The following CCDC141 variants were observed in gnomAD, a reference collection of about 807,000 sequenced individuals.
CCDC141 encodes the protein coiled-coil domain-containing protein 141.
In CCDC141, 168 loss-of-function variants were observed where a neutral mutation model predicts 181.0. That is an observed-to-expected ratio of 0.93 (90% CI 0.82 to 1.05). The LOEUF is 1.05. Among genes scored for constraint, CCDC141 ranks in the 50% least tolerant of loss-of-function variants. The pLI is 0.00. For missense variants in CCDC141, 1,902 were observed against 1,788.5 expected (o/e 1.06, Z -1.14); for synonymous variants, 666 against 642.3 (o/e 1.04, Z -0.56).
intron 21 of CCDC141, among the ~76,000 whole-genome samples, chr2:178,849,585 G>A (rs919746407): frequency 2.6e-5 from 4 of 152,078 alleles, no homozygotes; most frequent in African/African-American, 9.7e-5. Flanking sequence ...TGTATTCTAC[G>A]AAAAGTGATC....
chr2:178,961,051 A>G (rs1690373973), intron 5 of CCDC141, among the ~76,000 whole-genome samples, 179 bp downstream of exon 5: 2 of 152,206 alleles, frequency 1.3e-5, no homozygotes, highest in Non-Finnish European at 2.9e-5. Flanking sequence ...AAAAATGCAT[A>G]TATTTGTTTT....
intron 19 of CCDC141, among the ~76,000 whole-genome samples, chr2:178,854,430 A>C (rs1685297159): frequency 6.6e-6 from 1 of 152,192 alleles, no homozygotes; most frequent in Non-Finnish European, 1.5e-5. Flanking sequence ...AGGCTGAGGC[A>C]GGAGAATGGT....
chr2:178,892,099 T>C (rs1687183294), intron 8 of CCDC141, among the ~76,000 whole-genome samples: 1 of 152,220 alleles, frequency 6.6e-6, no homozygotes, highest in Non-Finnish European at 1.5e-5. Flanking sequence ...TTTTAAACAA[T>C]GATGACTTGC....
At chr2:179,044,583 T>C (rs1302712575) in intron 2 of CCDC141, among the ~76,000 whole-genome samples, 1 of 152,162 alleles carries the variant, frequency 6.6e-6, no homozygotes, top group African/African-American at 2.4e-5. Flanking sequence ...TCCAAACTGA[T>C]GTGAGCTCAC....
At chr2:178,993,831 T>C (rs942238548) in intron 2 of CCDC141, among the ~76,000 whole-genome samples, 2 of 152,192 alleles carry the variant, frequency 1.3e-5, no homozygotes, top group South Asian at 2.1e-4. Flanking sequence ...ATAGGATAAA[T>C]TGGCCAAAAT....
intron 22 of CCDC141, among the ~76,000 whole-genome samples, chr2:178,844,158 TAGTA>T (rs982182730): frequency 7.9e-5 from 12 of 152,344 alleles, no homozygotes; most frequent in Non-Finnish European, 1.6e-4. Context: ...TCTGAGTTCT[TAGTA>T]AGTGTGTCTA....
intron 17 of CCDC141, among the ~76,000 whole-genome samples, chr2:178,864,387 T>C (rs1289410435): frequency 6.6e-6 from 1 of 152,188 alleles, no homozygotes; most frequent in African/African-American, 2.4e-5. Flanking sequence ...CAAGATGTGA[T>C]TGACGTGTAA....
intron 2 of CCDC141, among the ~76,000 whole-genome samples, chr2:179,018,090 T>G (rs1261033621): frequency 6.6e-6 from 1 of 152,160 alleles, no homozygotes. Context: ...GCTGCAATAC[T>G]TGAAAAATGC....
chr2:178,946,596 G>T (rs1024703431), intron 5 of CCDC141, among the ~76,000 whole-genome samples: 3 of 152,120 alleles, frequency 2.0e-5, no homozygotes, highest in Non-Finnish European at 2.9e-5. Context: ...GGTACAAACA[G>T]GTGTTCTCTA....
chr2:178,869,381 T>C, intron 14 of CCDC141, 76 bp from the exon 15 acceptor site: 1 of 1,008,514 alleles, frequency 9.9e-7, no homozygotes, highest in Non-Finnish European at 1.4e-6. Flanking sequence ...TATAAAGGTC[T>C]AAACAATGAA....
At chr2:178,962,998 C>T (rs1690473088) in intron 4 of CCDC141, among the ~76,000 whole-genome samples, 1 of 152,196 alleles carries the variant, frequency 6.6e-6, no homozygotes, top group African/African-American at 2.4e-5. Flanking sequence ...TACTCTCACA[C>T]TTAATGTCTG....
At chr2:179,005,850 T>C (rs2042109558) in intron 2 of CCDC141, among the ~76,000 whole-genome samples, 1 of 152,186 alleles carries the variant, frequency 6.6e-6, no homozygotes, top group South Asian at 2.1e-4. Flanking sequence ...CCTCAAGTGA[T>C]CCACCCACCT....
chr2:179,015,136 CAT>C lies in CCDC141; in HGVS notation c.225+32146_225+32147del, dbSNP rs1256293554. Among the ~76,000 whole-genome samples, 221 of 74,474 alleles carry C rather than the reference CAT, an allele frequency of 3.0e-3. 2 individuals are homozygous for C. The highest frequency in any genetic ancestry group is 0.013 in the African/African-American group (214 of 17,032). The allele number at this position is 74,474 out of a possible 152,430, so 48.9% of individuals were successfully genotyped here. A position where few individuals can be genotyped will look rare whatever the true frequency, so the allele number is the denominator to read the frequency against. On this transcript the variant is annotated intron_variant, in intron 2 of 23. Transcript: ENST00000443758. ...ATATAATCATATATATATATCATATCATATATATCAATATATCTCATATACAT... is the reference window on the plus strand; with the variant it reads ...ATATAATCATATATATATATCATATCATATATCAATATATCTCATATACAT...
chr2:178,855,644 T>A (rs1685352388), intron 18 of CCDC141, 103 bp from the exon 19 acceptor site: 1 of 621,290 alleles, frequency 1.6e-6, no homozygotes, highest in Non-Finnish European at 2.7e-6. Flanking sequence ...TGCAGCTTCC[T>A]CCAATCTATT....
At chr2:178,885,418 A>G (rs1289133072) in intron 10 of CCDC141, among the ~76,000 whole-genome samples, 1 of 152,224 alleles carries the variant, frequency 6.6e-6, no homozygotes, top group African/African-American at 2.4e-5. Flanking sequence ...TATACATGAG[A>G]TAGCTATTTG....
At chr2:178,839,611 G>T (rs1475810561) in intron 22 of CCDC141, among the ~76,000 whole-genome samples, 31 of 79,716 alleles carry the variant, frequency 3.9e-4, no homozygotes, top group East Asian at 7.1e-4. Context: ...AAAAAAATGT[G>T]TTTTCAGGTT....
At position 178,850,154 on chromosome 2, in the gene CCDC141, T is replaced by C; in HGVS notation, c.3252A>G (p.Glu1084=). ...TDLAQHLYGL[E]EGQKYIEKIV... ...TTTTCTCAATATATTTCTGTCCTTC[T>C]TCCAAACCTGGGGAGGAGAAGGATG... Residue 1084 remains glutamate, a synonymous_variant, in exon 21 of 24, where the codon GAA becomes GAG. Transcript: ENST00000443758. The C allele has an allele frequency of 1.3e-6, 2 of 1,577,706 alleles. No homozygotes were observed. The highest frequency in any genetic ancestry group is 1.7e-6 in the Non-Finnish European group (2 of 1,150,738).
At chr2:178,876,187 C>T (rs1369009609) in intron 12 of CCDC141, 1 of 152,106 alleles carries the variant, frequency 6.6e-6, no homozygotes, top group Admixed American at 6.6e-5. Flanking sequence ...TAGAACCTAA[C>T]TCTTCCAAAT....
chr2:179,033,864 CAT>C (rs2043065430), intron 2 of CCDC141, among the ~76,000 whole-genome samples: 1 of 152,108 alleles, frequency 6.6e-6, no homozygotes, highest in Admixed American at 6.6e-5. Context: ...TGACAAATAA[CAT>C]AAAGCCCAAC....
Sources: gnomAD v4.1 joint callset for allele counts (sites outside exome capture counted in the v4.1 genomes callset) on GRCh38, gnomAD v4.1.1 for gene constraint, MANE v1.5 for transcripts, NCBI Gene and HGNC (gene_info 2026-07-23, HGNC 2026-07-21) for gene names.